Variants in GULP1 observed in about 807,000 individuals in gnomAD.
The protein encoded by GULP1 is GULP PTB domain containing engulfment adaptor 1.
A neutral mutation model predicts 40.9 loss-of-function variants in GULP1; 19 were observed. That is an observed-to-expected ratio of 0.46 (90% CI 0.32 to 0.68). The LOEUF is 0.68. GULP1 is among the 30% of genes least tolerant of loss of function. The pLI is 0.03. For missense variants in GULP1, 312 were observed against 362.2 expected (o/e 0.86, Z 1.12); for synonymous variants, 119 against 117.6 (o/e 1.01, Z -0.08).
At chr2:188,477,092 C>T (rs2061075149) in intron 2 of GULP1, among the ~76,000 whole-genome samples, 1 of 151,966 alleles carries the variant, frequency 6.6e-6, no homozygotes, top group East Asian at 1.9e-4. Flanking sequence ...AATTTAGATC[C>T]CATGCTATAT....
chr2:188,337,231 C>T (rs895082769), intron 1 of GULP1, among the ~76,000 whole-genome samples: 14 of 151,860 alleles, frequency 9.2e-5, no homozygotes, highest in African/African-American at 2.9e-4. Context: ...CTCTGCCTCC[C>T]GGATTCAAGT....
intron 2 of GULP1, among the ~76,000 whole-genome samples, chr2:188,455,910 G>A (rs1275609725): frequency 6.6e-6 from 1 of 152,178 alleles, no homozygotes; most frequent in African/African-American, 2.4e-5. Flanking sequence ...TGAAGAGGAG[G>A]AACTTGTTAG....
intron 1 of GULP1, among the ~76,000 whole-genome samples, chr2:188,300,177 T>C (rs2106035597): frequency 6.6e-6 from 1 of 152,274 alleles, no homozygotes; most frequent in Middle Eastern, 3.4e-3. Flanking sequence ...ATATTTAATT[T>C]CAGAACATGC....
At chr2:188,316,841 C>G (rs186045760) in intron 1 of GULP1, among the ~76,000 whole-genome samples, 224 of 152,118 alleles carry the variant, frequency 1.5e-3, no homozygotes, top group Middle Eastern at 6.8e-3. Flanking sequence ...TCCTAGGAAC[C>G]CAAAACCTAT....
intron 1 of GULP1, among the ~76,000 whole-genome samples, chr2:188,324,465 A>AT (rs2040461096): frequency 6.6e-6 from 1 of 152,062 alleles, no homozygotes; most frequent in African/African-American, 2.4e-5. Flanking sequence ...ACAAATGAAG[A>AT]TTTTTCCCTC....
chr2:188,304,860 A>G (rs369636431), intron 1 of GULP1, among the ~76,000 whole-genome samples: 54 of 152,302 alleles, frequency 3.5e-4, no homozygotes, highest in African/African-American at 1.1e-3. Context: ...CTGCTCTCAT[A>G]CAACAACAAC....
intron 2 of GULP1, among the ~76,000 whole-genome samples, chr2:188,420,325 C>A (rs551279254): frequency 5.5e-4 from 84 of 152,110 alleles, no homozygotes; most frequent in African/African-American, 2.0e-3. Context: ...GATGTTTTTC[C>A]ATTTATTCAT....
rs567610154 is a variant in GULP1 at position 188,333,295 on chromosome 2, G to C, written c.-172+41129G>C. Among the ~76,000 whole-genome samples, 28 of 151,972 alleles carry C rather than the reference G, an allele frequency of 1.8e-4. 1 individual carries two copies. The highest frequency in any genetic ancestry group is 1.8e-3 in the Admixed American group (28 of 15,232). On this transcript the variant is annotated intron_variant, in intron 1 of 11. Transcript: ENST00000409830. ...ATACTGAAGGGAATGGCTACAGATA[G>C]AAAGACAGATTAGAAGACTATTCTA...
At chr2:188,387,532 A>T (rs1052044803) in intron 2 of GULP1, among the ~76,000 whole-genome samples, 2 of 152,156 alleles carry the variant, frequency 1.3e-5, no homozygotes, top group East Asian at 1.9e-4. Context: ...GAAAGAAGTA[A>T]AATAATAGGG....
rs1697792577 is a variant in GULP1 at position 188,566,769 on chromosome 2, T to C, written c.400-2470T>C. Among the ~76,000 whole-genome samples, 4 of 116,600 alleles carry C rather than the reference T, an allele frequency of 3.4e-5. No homozygotes were observed. The Admixed American group carries it at 5.1e-4, about 15-fold the overall frequency. 76.5% of individuals were successfully genotyped at this position (116,600 alleles called of 152,430 possible). A position where few individuals can be genotyped will look rare whatever the true frequency, so the allele number is the denominator to read the frequency against. ...GAGATTGCGCCACTGCACTCCAGCCTGGGTAGCTGAGTGAGACTCCATCTC... is the reference window on the plus strand; with the variant it reads ...GAGATTGCGCCACTGCACTCCAGCCCGGGTAGCTGAGTGAGACTCCATCTC... On this transcript the variant is annotated intron_variant, in intron 7 of 11. Coordinates refer to ENST00000409830, the MANE Select transcript of GULP1 (RefSeq NM_016315.4).
intron 1 of GULP1, among the ~76,000 whole-genome samples, chr2:188,332,936 A>G (rs1032424695): frequency 6.6e-6 from 1 of 152,084 alleles, no homozygotes; most frequent in African/African-American, 2.4e-5. Flanking sequence ...CAGCTTTTGT[A>G]TTGTGGCAGC....
chr2:188,411,512 C>T (rs1192972008), intron 2 of GULP1, among the ~76,000 whole-genome samples: 2 of 152,114 alleles, frequency 1.3e-5, no homozygotes, highest in Non-Finnish European at 2.9e-5. Flanking sequence ...GGGAAATAGG[C>T]TGAGTGGTGT....
At chr2:188,541,528 G>A in intron 7 of GULP1, 1 of 614,728 alleles carries the variant, frequency 1.6e-6, no homozygotes, top group South Asian at 2.0e-5. Context: ...TCATGGTCAT[G>A]AGCATAAACT....
chr2:188,529,488 C>A (rs1687002503), intron 6 of GULP1, among the ~76,000 whole-genome samples: 1 of 152,024 alleles, frequency 6.6e-6, no homozygotes, highest in Admixed American at 6.6e-5. Flanking sequence ...GAGATGCATA[C>A]AGTGTGGTTC....
intron 2 of GULP1, among the ~76,000 whole-genome samples, chr2:188,405,416 A>G (rs2052934597): frequency 6.6e-6 from 1 of 151,930 alleles, no homozygotes; most frequent in African/African-American, 2.4e-5. Context: ...AGCACACCCA[A>G]GCTCTAGGCC....
At chr2:188,547,942 G>A (rs2153362006) in intron 7 of GULP1, among the ~76,000 whole-genome samples, 1 of 152,012 alleles carries the variant, frequency 6.6e-6, no homozygotes, top group East Asian at 1.9e-4. Flanking sequence ...CACACTCATT[G>A]TTTAAAACTC....
At chr2:188,456,596 T>G (rs2059287082) in intron 2 of GULP1, among the ~76,000 whole-genome samples, 2 of 152,144 alleles carry the variant, frequency 1.3e-5, no homozygotes, top group Admixed American at 1.3e-4. Context: ...GGCAAAAGTT[T>G]GCTGCAGGGG....
intron 1 of GULP1, among the ~76,000 whole-genome samples, chr2:188,304,333 A>G (rs920510913): frequency 6.6e-6 from 1 of 152,164 alleles, no homozygotes; most frequent in African/African-American, 2.4e-5. Flanking sequence ...TCTCTAATCT[A>G]TTTTCTTATA....
At chr2:188,462,537 A>C (rs998170689) in intron 2 of GULP1, among the ~76,000 whole-genome samples, 4 of 152,136 alleles carry the variant, frequency 2.6e-5, no homozygotes, top group African/African-American at 9.7e-5. Flanking sequence ...TCCCGCTATT[A>C]TTGGATTGGA....
Sources: gnomAD v4.1 joint callset for allele counts (sites outside exome capture counted in the v4.1 genomes callset) on GRCh38, gnomAD v4.1.1 for gene constraint, MANE v1.5 for transcripts, NCBI Gene and HGNC (gene_info 2026-07-23, HGNC 2026-07-21) for gene names.